The following PARD3B variants were observed in gnomAD, a reference collection of about 807,000 sequenced individuals.
The protein encoded by PARD3B is par-3 family cell polarity regulator beta, also known as partitioning defective 3 homolog B.
PARD3B carries 103 observed loss-of-function variants against 130.2 expected under a neutral mutation model. That is an observed-to-expected ratio of 0.79 (90% CI 0.67 to 0.93). PARD3B has a LOEUF of 0.93. PARD3B is among the 40% of genes least tolerant of loss of function. PARD3B has a pLI of 0.00. For synonymous variants in PARD3B, 583 were observed against 553.2 expected, an observed-to-expected ratio of 1.05 and a Z score of -0.76; for missense variants, 1,609 against 1,499.2, an observed-to-expected ratio of 1.07 and a Z score of -1.21.
chr2:204,929,871 C>T (rs541592469), intron 2 of PARD3B, among the ~76,000 whole-genome samples: 19 of 152,034 alleles, frequency 1.2e-4, no homozygotes, highest in South Asian at 4.2e-4. Flanking sequence ...ATTTCTATTC[C>T]GTAACAGTTT....
intron 20 of PARD3B, among the ~76,000 whole-genome samples, chr2:205,445,722 T>C (rs972909862): frequency 6.6e-6 from 1 of 152,150 alleles, no homozygotes; most frequent in African/African-American, 2.4e-5. Flanking sequence ...CCTGGATAAG[T>C]AAAGAAGCAT....
chr2:204,811,767 G>T (rs190745753), intron 2 of PARD3B, among the ~76,000 whole-genome samples: 3 of 151,990 alleles, frequency 2.0e-5, no homozygotes, highest in Non-Finnish European at 4.4e-5. Flanking sequence ...AGCTTTAGCA[G>T]GTTGGGGAAA....
At chr2:204,796,265 G>C (rs892169137) in intron 2 of PARD3B, among the ~76,000 whole-genome samples, 1 of 152,108 alleles carries the variant, frequency 6.6e-6, no homozygotes, top group African/African-American at 2.4e-5. Context: ...CAGTTAGCCT[G>C]GTATTTCACA....
intron 2 of PARD3B, among the ~76,000 whole-genome samples, chr2:204,879,538 G>A (rs2045961235): frequency 6.6e-6 from 1 of 152,114 alleles, no homozygotes; most frequent in South Asian, 2.1e-4. Context: ...CTCTAAGACT[G>A]CTTAGATTAT....
chr2:204,772,132 G>C (rs1258533243), intron 2 of PARD3B, among the ~76,000 whole-genome samples: 1 of 152,006 alleles, frequency 6.6e-6, no homozygotes, highest in Non-Finnish European at 1.5e-5. Flanking sequence ...CTTAGAATTA[G>C]TATTGCTTAC....
At chr2:205,030,427 C>G (rs2125358991) in intron 3 of PARD3B, among the ~76,000 whole-genome samples, 1 of 152,204 alleles carries the variant, frequency 6.6e-6, no homozygotes, top group East Asian at 1.9e-4. Context: ...ATAGGTCCAC[C>G]AGTCACTTAG....
At chr2:205,126,671 G>A (rs1431233300) in intron 10 of PARD3B, among the ~76,000 whole-genome samples, 9 of 145,944 alleles carry the variant, frequency 6.2e-5, no homozygotes, top group African/African-American at 1.0e-4. Context: ...GCGTGAACCC[G>A]GGAAGCGGAG....
chr2:205,569,804 A>T (rs552497621), intron 22 of PARD3B, among the ~76,000 whole-genome samples: 137 of 152,252 alleles, frequency 9.0e-4, no homozygotes, highest in South Asian at 4.8e-3. Flanking sequence ...AGATCATCCA[A>T]TTGGGCTTTT....
intron 19 of PARD3B, among the ~76,000 whole-genome samples, chr2:205,413,127 T>A (rs1013972118): frequency 1.3e-5 from 2 of 152,144 alleles, no homozygotes; most frequent in African/African-American, 2.4e-5. Context: ...TGGTGCATGT[T>A]CTGAGAAAAC....
At chr2:204,666,892 CAG>C (rs780204790) in intron 1 of PARD3B, among the ~76,000 whole-genome samples, 4 of 152,028 alleles carry the variant, frequency 2.6e-5, no homozygotes, top group Non-Finnish European at 4.4e-5. Context: ...GGAGAGAAAA[CAG>C]AGATATGGAA....
chr2:204,803,768 A>G (rs558048641), intron 2 of PARD3B, among the ~76,000 whole-genome samples: 25 of 152,298 alleles, frequency 1.6e-4, no homozygotes, highest in African/African-American at 5.1e-4. Flanking sequence ...CATTCACTAA[A>G]ACGAAGACAG....
intron 2 of PARD3B, among the ~76,000 whole-genome samples, chr2:204,947,958 C>T (rs548845366): frequency 6.6e-6 from 1 of 152,196 alleles, no homozygotes; most frequent in East Asian, 1.9e-4. Context: ...TGTAATGTGA[C>T]CAGATTTTTT....
intron 22 of PARD3B, among the ~76,000 whole-genome samples, chr2:205,581,267 G>GATATAGAT (rs1559238123): frequency 9.1e-6 from 1 of 109,742 alleles, no homozygotes; most frequent in African/African-American, 3.6e-5. Context: ...TATAGATATA[G>GATATAGAT]ATAGATAGAT....
chr2:205,580,958 G>T (rs544730440), intron 22 of PARD3B, among the ~76,000 whole-genome samples: 2 of 152,214 alleles, frequency 1.3e-5, no homozygotes, highest in South Asian at 4.1e-4. Context: ...AGTTTTGACT[G>T]CAATCTGAGT....
chr2:204,806,996 T>C (rs888918888), intron 2 of PARD3B, among the ~76,000 whole-genome samples: 6 of 152,118 alleles, frequency 3.9e-5, no homozygotes, highest in African/African-American at 1.2e-4. Context: ...GTTCTATATG[T>C]CTGGGGAGGC....
In PARD3B at chr2:205,445,826, G is replaced by C. The variant is rs561186113; in HGVS notation, c.3044+5154G>C. 2.0e-5 allele frequency among the ~76,000 whole-genome samples: 3 copies of C among 152,310 alleles called. No homozygotes were observed. In the South Asian group the frequency reaches 6.2e-4, roughly 32 times the overall value. On this transcript the variant is annotated intron_variant, in intron 20 of 22. Coordinates refer to ENST00000406610, the MANE Select transcript of PARD3B (RefSeq NM_001302769.2). Reference sequence around the variant, plus strand: ...AGTCCACTTCCAAATACTGCTGCATGAGCTGCATGACTTATCCAAGATGCC... The same window carrying C: ...AGTCCACTTCCAAATACTGCTGCATCAGCTGCATGACTTATCCAAGATGCC...
At chr2:205,364,192 C>T (rs2044510850) in intron 18 of PARD3B, among the ~76,000 whole-genome samples, 1 of 152,166 alleles carries the variant, frequency 6.6e-6, no homozygotes, top group Non-Finnish European at 1.5e-5. Flanking sequence ...AGCGTAAAAA[C>T]ACTTAGACGT....
intron 1 of PARD3B, among the ~76,000 whole-genome samples, chr2:204,566,881 C>CT (rs1232686164): frequency 0.063 from 8,772 of 140,260 alleles, 400 homozygotes; most frequent in East Asian, 0.15. Flanking sequence ...TTCTAAACCT[C>CT]TTTTTTTTTT....
rs2106031290 is a variant in PARD3B at position 205,405,834 on chromosome 2, G to A, written c.2741+4711G>A. 6.6e-6 allele frequency among the ~76,000 whole-genome samples: 1 copy of A among 152,266 alleles called. No homozygotes were observed. The highest frequency in any genetic ancestry group is 1.5e-5 in the Non-Finnish European group (1 of 68,028). On this transcript the variant is annotated intron_variant, in intron 19 of 22. Coordinates refer to ENST00000406610, the MANE Select transcript of PARD3B (RefSeq NM_001302769.2). The surrounding 1 kb of genome is among the most constrained non-coding windows in gnomAD (Gnocchi z 4.1). ...AATGAACTACACATACACAGGATGT[G>A]GAAGGTTTGATTTAATAACAAATAT...
Sources: gnomAD v4.1 joint callset for allele counts (sites outside exome capture counted in the v4.1 genomes callset) on GRCh38, gnomAD v4.1.1 for gene constraint, Gnocchi (gnomAD v3.1) non-coding constraint, MANE v1.5 for transcripts, NCBI Gene and HGNC (gene_info 2026-07-23, HGNC 2026-07-21) for gene names.